Variants in PHACTR1 observed in about 807,000 individuals in gnomAD.
The protein encoded by PHACTR1 is RPEL repeat containing 1.
PHACTR1 carries 16 observed loss-of-function variants against 69.2 expected under a neutral mutation model. That is an observed-to-expected ratio of 0.23 (90% CI 0.16 to 0.35). The LOEUF (loss-of-function observed/expected upper bound fraction) is 0.35, where lower values mean the gene tolerates loss of function less well. Among genes scored for constraint, PHACTR1 ranks in the 10% least tolerant of loss-of-function variants. PHACTR1 has a pLI of 1.00. For missense variants in PHACTR1, 510 were observed against 734.7 expected, an observed-to-expected ratio of 0.69 and a Z score of 3.54; for synonymous variants, 312 against 284.5, an observed-to-expected ratio of 1.10 and a Z score of -0.97.
At chr6:12,758,762 T>TAAA (rs1767668825) in intron 4 of PHACTR1, among the ~76,000 whole-genome samples, 1 of 152,098 alleles carries the variant, frequency 6.6e-6, no homozygotes, top group Non-Finnish European at 1.5e-5. Flanking sequence ...GGGTCACATT[T>TAAA]AAAGCTGGAC....
intron 8 of PHACTR1, among the ~76,000 whole-genome samples, chr6:13,210,824 GT>G (rs1355420096): frequency 6.7e-6 from 1 of 149,414 alleles, no homozygotes; most frequent in Non-Finnish European, 1.5e-5. Flanking sequence ...AAGTCTGTTT[GT>G]TTGGGTAAGT....
chr6:13,209,002 C>A (rs762542205), intron 8 of PHACTR1, among the ~76,000 whole-genome samples: 2 of 152,116 alleles, frequency 1.3e-5, no homozygotes, highest in African/African-American at 2.4e-5. Flanking sequence ...GAGGTCAAAG[C>A]ATAGGGTTGT....
intron 5 of PHACTR1, among the ~76,000 whole-genome samples, chr6:13,128,336 A>G (rs897130257): frequency 9.3e-5 from 14 of 150,306 alleles, no homozygotes; most frequent in African/African-American, 3.2e-4. Flanking sequence ...AAATTTAATT[A>G]TTAATATTAA....
intron 4 of PHACTR1, among the ~76,000 whole-genome samples, chr6:12,779,511 TCCTGGTGA>T (rs757825095): frequency 6.6e-6 from 1 of 150,398 alleles, no homozygotes; most frequent in Non-Finnish European, 1.5e-5. Flanking sequence ...GGGAAAATAT[TCCTGGTGA>T]CCGCTTCTTA....
At chr6:12,840,657 G>A (rs1340870917) in intron 4 of PHACTR1, among the ~76,000 whole-genome samples, 2 of 152,080 alleles carry the variant, frequency 1.3e-5, no homozygotes, top group Non-Finnish European at 2.9e-5. Flanking sequence ...AGATAGAAAT[G>A]GGTAATTTAG....
chr6:12,718,218 G>A (rs1761637172), intron 2 of PHACTR1: 1 of 152,220 alleles, frequency 6.6e-6, no homozygotes, highest in African/African-American at 2.4e-5. Context: ...CAGCAAATAT[G>A]TCAGTGTGTG....
intron 4 of PHACTR1, among the ~76,000 whole-genome samples, chr6:12,865,874 C>T (rs1026784949): frequency 2.6e-5 from 4 of 152,110 alleles, no homozygotes; most frequent in African/African-American, 9.7e-5. Flanking sequence ...CTAGGGAATG[C>T]AGATGGCTCA....
intron 4 of PHACTR1, among the ~76,000 whole-genome samples, chr6:12,949,677 C>T (rs1030482617): frequency 1.2e-4 from 19 of 152,256 alleles, no homozygotes; most frequent in African/African-American, 4.3e-4. Flanking sequence ...ATATAAAACA[C>T]TTTGAAAACT....
In PHACTR1 at chr6:13,245,607, G is replaced by T. The variant is rs1773484598; in HGVS notation, c.1391+15414G>T. Among the ~76,000 whole-genome samples the T allele has an allele frequency of 6.6e-6, 1 of 152,118 alleles. No individual in the cohort carries two copies. The highest frequency in any genetic ancestry group is 2.4e-5 in the African/African-American group (1 of 41,426). ...AATATTTTCTCCCATTCTGTAGCTT[G>T]TCTGTTTACTCTGTTGACAGTTTCT... On this transcript the variant is annotated intron_variant, in intron 10 of 14. Transcript: ENST00000332995. The surrounding 1 kb of genome is among the most constrained non-coding windows in gnomAD (Gnocchi z 4.1).
chr6:13,245,689 C>T lies in PHACTR1; in HGVS notation c.1391+15496C>T, dbSNP rs1355132468. ...GGTGCCATTTGTCAATTTTTTTTTT[C>T]GTTGCAATTGCTTTTGGCATCTTCA... On this transcript the variant is annotated intron_variant, in intron 10 of 14. Coordinates refer to ENST00000332995, the MANE Select transcript of PHACTR1 (RefSeq NM_030948.6). The surrounding 1 kb of genome is among the most constrained non-coding windows in gnomAD (Gnocchi z 4.1). Among the ~76,000 whole-genome samples the T allele has an allele frequency of 1.3e-5, 2 of 151,100 alleles. No homozygotes were observed. Among genetic ancestry groups the T allele is most frequent in the African/African-American group, 2.4e-5 (1 of 41,218 alleles).
chr6:12,736,486 A>T (rs1402605781), intron 3 of PHACTR1, among the ~76,000 whole-genome samples: 2 of 152,222 alleles, frequency 1.3e-5, no homozygotes. Context: ...AGTCTAGGAC[A>T]TATTACCCTT....
intron 4 of PHACTR1, among the ~76,000 whole-genome samples, chr6:12,905,157 T>C (rs1554165399): frequency 6.6e-6 from 1 of 152,156 alleles, no homozygotes; most frequent in Non-Finnish European, 1.5e-5. Flanking sequence ...AAGATAGCTA[T>C]AGATTTTTAA....
chr6:12,817,021 C>T (rs141287323), intron 4 of PHACTR1, among the ~76,000 whole-genome samples: 5 of 152,194 alleles, frequency 3.3e-5, no homozygotes, highest in Non-Finnish European at 5.9e-5. Flanking sequence ...GTGCCTGCCT[C>T]TGTGTGAATC....
At chr6:12,845,425 A>C (rs868326866) in intron 4 of PHACTR1, among the ~76,000 whole-genome samples, 2,215 of 14,296 alleles carry the variant, frequency 0.15, 29 homozygotes, top group East Asian at 0.29. Flanking sequence ...TGTGAACACC[A>C]CCCACCCCCC....
At chr6:13,265,626 T>A (rs2127430413) in intron 10 of PHACTR1, among the ~76,000 whole-genome samples, 1 of 152,340 alleles carries the variant, frequency 6.6e-6, no homozygotes, top group East Asian at 1.9e-4. Flanking sequence ...CCGAGTCTAT[T>A]GGAACATCCC....
At chr6:13,017,855 A>G (rs1430204271) in intron 4 of PHACTR1, among the ~76,000 whole-genome samples, 1 of 152,224 alleles carries the variant, frequency 6.6e-6, no homozygotes, top group Admixed American at 6.5e-5. Context: ...ACACTTAAAA[A>G]GTAATAAAAT....
At chr6:12,801,885 A>C (rs1225299848) in intron 4 of PHACTR1, among the ~76,000 whole-genome samples, 2 of 152,070 alleles carry the variant, frequency 1.3e-5, no homozygotes, top group Admixed American at 6.6e-5. Flanking sequence ...TACTCATAGG[A>C]ATCAGGAATT....
intron 5 of PHACTR1, among the ~76,000 whole-genome samples, chr6:13,109,791 T>C (rs1816733729): frequency 6.6e-6 from 1 of 151,938 alleles, no homozygotes; most frequent in Non-Finnish European, 1.5e-5. Context: ...TGACCATTCA[T>C]ATTGTTTCAG....
At chr6:12,917,102 A>G (rs2127504591) in intron 4 of PHACTR1, among the ~76,000 whole-genome samples, 1 of 152,310 alleles carries the variant, frequency 6.6e-6, no homozygotes, top group South Asian at 2.1e-4. Context: ...CCAGCCTCCA[A>G]GTTCAATGCT....
Sources: allele counts gnomAD v4.1 joint callset (sites outside exome capture counted in the v4.1 genomes callset), GRCh38; gene constraint gnomAD v4.1.1; non-coding constraint Gnocchi (gnomAD v3.1); transcripts MANE v1.5; gene names NCBI Gene and HGNC (gene_info 2026-07-23, HGNC 2026-07-21).